The following ACACA variants were observed in gnomAD, a reference collection of about 807,000 sequenced individuals.
The protein encoded by ACACA is acetyl-CoA carboxylase alpha, also known as acetyl-CoA carboxylase 1.
ACACA carries 103 observed loss-of-function variants against 296.1 expected under a neutral mutation model. The ratio of observed to expected loss-of-function variants is 0.35; its 90% confidence interval spans 0.30 to 0.41. ACACA has a LOEUF of 0.41. Ranked by LOEUF, ACACA falls within the 10% of genes least tolerant of loss-of-function variation. The pLI is 1.00. For synonymous variants in ACACA, 953 were observed against 1,038.6 expected, an observed-to-expected ratio of 0.92 and a Z score of 1.58; for missense variants, 1,554 against 2,989.7, an observed-to-expected ratio of 0.52 and a Z score of 11.20.
Position 37,263,907 on chromosome 17 carries a change from AGGGG to A in ACACA, c.1120-17_1120-14del. 1 of 1,607,650 alleles carries A rather than the reference AGGGG, an allele frequency of 6.2e-7. No individual in the cohort carries two copies. Among genetic ancestry groups the A allele is most frequent in the Non-Finnish European group, 8.5e-7 (1 of 1,175,606 alleles). On this transcript the variant is annotated splice_polypyrimidine_tract_variant and intron_variant, in intron 10 of 55. Coordinates refer to ENST00000616317, the MANE Select transcript of ACACA (RefSeq NM_198834.3). ...CTTCAGCTTGAACCTGTATTAGAAA[AGGGG>A]GAAAAAAAAAACCAATTCTTAAATT...
intron 16 of ACACA, 51 bp downstream of exon 16, chr17:37,251,954 G>A (rs902077949): frequency 5.3e-6 from 8 of 1,518,000 alleles, no homozygotes; most frequent in South Asian, 1.1e-5. Flanking sequence ...TTCAGTCCCT[G>A]TACTCAGGAC....
At position 37,168,523 on chromosome 17, in the gene ACACA, C is replaced by CA. The variant is rs1008536124; in HGVS notation, c.5080-6474dup. Among the ~76,000 whole-genome samples, 364 of 136,232 alleles carry CA rather than the reference C, an allele frequency of 2.7e-3. 2 individuals carry two copies. The highest frequency in any genetic ancestry group is 0.018 in the South Asian group (78 of 4,332). 89.4% of individuals were successfully genotyped at this position (136,232 alleles called of 152,430 possible). A position where few individuals can be genotyped will look rare whatever the true frequency, so the allele number is the denominator to read the frequency against. ...AGTGTACGTTTGAGCATTTCCATAA[C>CA]AAAAAAAAAAATTTAAGGGGGGAAA... On this transcript the variant is annotated intron_variant, in intron 41 of 55. Coordinates refer to ENST00000616317, the MANE Select transcript of ACACA (RefSeq NM_198834.3).
At chr17:37,268,741 C>CTATCTATCTA (rs1219982787) in intron 10 of ACACA, among the ~76,000 whole-genome samples, 152 of 94,504 alleles carry the variant, frequency 1.6e-3, no homozygotes, top group East Asian at 0.012. Flanking sequence ...ATCTATCTAT[C>CTATCTATCTA]TATATATATA....
chr17:37,277,851 A>C, intron 6 of ACACA, 45 bp downstream of exon 6: 1 of 1,471,844 alleles, frequency 6.8e-7, no homozygotes, highest in Non-Finnish European at 9.5e-7. Context: ...GCCTAACTAT[A>C]AAATGGCTGA....
intron 1 of ACACA, among the ~76,000 whole-genome samples, chr17:37,372,577 C>T (rs1409783906): frequency 1.3e-5 from 2 of 152,102 alleles, no homozygotes; most frequent in Non-Finnish European, 2.9e-5. Flanking sequence ...ATTAAAGAGC[C>T]TAGGGTAGGC....
chr17:37,185,730 G>A (rs866374102), intron 39 of ACACA, among the ~76,000 whole-genome samples: 29 of 151,514 alleles, frequency 1.9e-4, no homozygotes, highest in African/African-American at 2.9e-4. Context: ...CACCACTCCC[G>A]GCTAATTTTT....
At chr17:37,289,261 CA>C (rs113414513) in intron 3 of ACACA, among the ~76,000 whole-genome samples, 9 of 141,604 alleles carry the variant, frequency 6.4e-5, no homozygotes, top group Non-Finnish European at 7.7e-5. Context: ...GACTCCATCT[CA>C]AAAAAAAAAC....
chr17:37,403,279 C>T (rs1474781037), intron 1 of ACACA, among the ~76,000 whole-genome samples: 5 of 152,062 alleles, frequency 3.3e-5, no homozygotes, highest in African/African-American at 1.2e-4. Flanking sequence ...ACTATCACAT[C>T]CACTTAAGAC....
At chr17:37,332,910 GAAAA>G (rs58422225) in intron 2 of ACACA, among the ~76,000 whole-genome samples, 1 of 76,886 alleles carries the variant, frequency 1.3e-5, no homozygotes, top group Non-Finnish European at 2.7e-5. Context: ...ACTCTGTCTA[GAAAA>G]AAAAAAAAAA....
At chr17:37,380,428 TAAAAGAAAAAA>T (rs1174188031) in intron 1 of ACACA, among the ~76,000 whole-genome samples, 1 of 150,242 alleles carries the variant, frequency 6.7e-6, no homozygotes, top group African/African-American at 2.4e-5. Context: ...AGTATAATAA[TAAAAGAAAAAA>T]AAAAGAAAAT....
intron 3 of ACACA, among the ~76,000 whole-genome samples, chr17:37,305,708 A>G (rs1395266858): frequency 6.6e-6 from 1 of 152,130 alleles, no homozygotes; most frequent in African/African-American, 2.4e-5. Context: ...AATGCCATTG[A>G]GCATGGACAT....
At chr17:37,177,270 G>A (rs887738421) in intron 41 of ACACA, among the ~76,000 whole-genome samples, 1 of 28,696 alleles carries the variant, frequency 3.5e-5, no homozygotes, top group East Asian at 1.7e-3. Flanking sequence ...TAAAAAATTC[G>A]TGTGTGTGTG....
At position 37,129,488 on chromosome 17, in the gene ACACA, A is replaced by T. The variant is rs1231897456; in HGVS notation, c.5824-3T>A. On this transcript the variant is annotated splice_polypyrimidine_tract_variant and splice_region_variant and intron_variant, in intron 46 of 55. Transcript: ENST00000616317. ...AGAGGAACTGAACTGTGCACGCTCT[A>T]AAAGGAGATTGGAAGAGAGCACAGC... The T allele has an allele frequency of 6.2e-7, 1 of 1,613,914 alleles. No homozygotes were observed. Among genetic ancestry groups the T allele is most frequent in the Admixed American group, 1.7e-5 (1 of 60,006 alleles).
At chr17:37,102,471 G>T (rs2073423013) in intron 52 of ACACA, among the ~76,000 whole-genome samples, 1 of 152,078 alleles carries the variant, frequency 6.6e-6, no homozygotes. Context: ...AAAAGTGCTG[G>T]GATTACAGGT....
At chr17:37,260,652 T>C (rs2081472030) in intron 11 of ACACA, among the ~76,000 whole-genome samples, 1 of 152,090 alleles carries the variant, frequency 6.6e-6, no homozygotes, top group Admixed American at 6.5e-5. Context: ...TTCCTGGCTT[T>C]TTCCTTCTTA....
Position 37,097,138 on chromosome 17 carries a change from G to A in ACACA, c.6749C>T (p.Thr2250Ile), listed in dbSNP as rs1464505136. Residue 2250 changes from threonine (T) to isoleucine (I), a missense_variant, in exon 54 of 56, where the codon ACC becomes ATC. Around this residue, in one of 16 missense-constraint regions of ACACA, gnomAD observed 553 missense variants for 1,043.6 expected, o/e 0.53. Coordinates refer to ENST00000616317, the MANE Select transcript of ACACA (RefSeq NM_198834.3). This position sits in a 1 kb window ranked among gnomAD's most constrained non-coding sequence, Gnocchi z 4.8. Reference protein sequence around the residue: ...SDILDWKTSRTFFYWRLRRLL... With the variant: ...SDILDWKTSRIFFYWRLRRLL... ...ACGCCTCAGCCGCCAGTAGAAGAAG[G>A]TACGGGATGTTTTCCAATCCAGGAT... is the stretch of plus-strand genomic sequence containing the variant. The A allele has an allele frequency of 1.2e-6, 2 of 1,613,816 alleles. No individual in the cohort carries two copies. The highest frequency in any genetic ancestry group is 2.2e-5 in the East Asian group (1 of 44,870).
chr17:37,130,130 C>G lies in ACACA; in HGVS notation c.5768G>C (p.Cys1923Ser), dbSNP rs2075018841. The G allele has an allele frequency of 6.2e-7, 1 of 1,614,104 alleles. No individual in the cohort carries two copies. The highest frequency in any genetic ancestry group is 1.3e-5 in the African/African-American group (1 of 74,942). Reference sequence around the variant, plus strand: ...AGTGAAAACCCCTTCAAAGTCATCACACACAGTGCAGTGGGTCACCCCATT... The same window carrying G: ...AGTGAAAACCCCTTCAAAGTCATCAGACACAGTGCAGTGGGTCACCCCATT... ...HNNGVTHCTV[C>S]DDFEGVFTVL... The change falls in exon 46 of 56, where the codon TGT (cysteine) becomes TCT (serine). Residue 1923 changes from cysteine to serine, a missense_variant. Physicochemically the swap from Cys to Ser is moderately radical, Grantham distance 112 (BLOSUM62 -1). Around this residue, in one of 16 missense-constraint regions of ACACA, gnomAD observed 553 missense variants for 1,043.6 expected, o/e 0.53. Transcript: ENST00000616317.
At chr17:37,206,640 G>T in intron 32 of ACACA, 143 bp downstream of exon 32, 1 of 679,792 alleles carries the variant, frequency 1.5e-6, no homozygotes, top group Non-Finnish European at 2.5e-6. Flanking sequence ...AAATACTTTG[G>T]TGAGGCATAC....
chr17:37,121,301 G>T, intron 50 of ACACA, 54 bp downstream of exon 50: 1 of 1,611,962 alleles, frequency 6.2e-7, no homozygotes, highest in East Asian at 2.2e-5. Flanking sequence ...TCCCTCTGCC[G>T]CAGAGTGCCC....
Sources: gnomAD v4.1 joint callset for allele counts (sites outside exome capture counted in the v4.1 genomes callset) on GRCh38, gnomAD v4.1.1 for gene constraint, gnomAD v4.1.1 regional missense constraint, Gnocchi (gnomAD v3.1) non-coding constraint, MANE v1.5 for transcripts, NCBI Gene and HGNC (gene_info 2026-07-23, HGNC 2026-07-21) for gene names.